KCNAB1: variants seen among roughly 807,000 people sequenced by gnomAD.
The protein encoded by KCNAB1 is potassium voltage-gated channel subfamily A regulatory beta subunit 1.
A neutral mutation model predicts 64.6 loss-of-function variants in KCNAB1; 35 were observed. The observed-to-expected ratio is 0.54, with a 90% CI of 0.41 to 0.72. The LOEUF is 0.72. Ranked by LOEUF, KCNAB1 falls within the 30% of genes least tolerant of loss-of-function variation. KCNAB1 has a pLI of 0.00. For missense variants in KCNAB1, 401 were observed against 512.9 expected (o/e 0.78, Z 2.11); for synonymous variants, 177 against 183.8 (o/e 0.96, Z 0.30).
chr3:156,319,260 A>G lies in KCNAB1; in HGVS notation c.276-102356A>G, dbSNP rs942907149. Reference sequence around the variant, plus strand: ...TAGTCCAGGTTATGCTGCAGGTGCAAATAGCCCCAAGATCTCAGCAGCTTT... The same window carrying G: ...TAGTCCAGGTTATGCTGCAGGTGCAGATAGCCCCAAGATCTCAGCAGCTTT... On this transcript the variant is annotated intron_variant, in intron 1 of 13. Coordinates refer to ENST00000490337, the MANE Select transcript of KCNAB1 (RefSeq NM_172160.3). 4.6e-5 allele frequency among the ~76,000 whole-genome samples: 7 copies of G among 152,252 alleles called. No homozygotes were observed. In the South Asian group the frequency reaches 1.5e-3, roughly 32 times the overall value.
At chr3:156,175,672 G>C (rs556223313) in intron 1 of KCNAB1, among the ~76,000 whole-genome samples, 3 of 152,298 alleles carry the variant, frequency 2.0e-5, no homozygotes, top group African/African-American at 7.2e-5. Flanking sequence ...TAGAGGCCAC[G>C]GGGAGCTTGC....
intron 8 of KCNAB1, among the ~76,000 whole-genome samples, chr3:156,505,166 T>C (rs1716751727): frequency 6.6e-6 from 1 of 152,162 alleles, no homozygotes; most frequent in South Asian, 2.1e-4. Flanking sequence ...TGAAGAGAAT[T>C]CCCTTTCCCC....
At chr3:156,206,734 A>T (rs1714689628) in intron 1 of KCNAB1, among the ~76,000 whole-genome samples, 1 of 152,240 alleles carries the variant, frequency 6.6e-6, no homozygotes, top group Admixed American at 6.5e-5. Context: ...GTTTATGAAA[A>T]GATGGGAAGG....
At chr3:156,449,979 T>C (rs1272971779) in intron 2 of KCNAB1, among the ~76,000 whole-genome samples, 1 of 152,150 alleles carries the variant, frequency 6.6e-6, no homozygotes, top group Non-Finnish European at 1.5e-5. Context: ...GTTAAAAAAA[T>C]CTCTTCTGCA....
chr3:156,254,790 G>A (rs1434975475), intron 1 of KCNAB1, among the ~76,000 whole-genome samples: 1 of 152,154 alleles, frequency 6.6e-6, no homozygotes, highest in Non-Finnish European at 1.5e-5. Context: ...TGGTTGGTCC[G>A]ATTTCATACA....
intron 1 of KCNAB1, chr3:156,290,854 A>G (rs1166820675): frequency 9.2e-6 from 5 of 545,550 alleles, no homozygotes; most frequent in Non-Finnish European, 1.2e-5. Context: ...AAAAGTCTGC[A>G]CTGTGGCATC....
At chr3:156,283,239 G>A (rs1719858278) in intron 1 of KCNAB1, among the ~76,000 whole-genome samples, 1 of 149,994 alleles carries the variant, frequency 6.7e-6, no homozygotes, top group Non-Finnish European at 1.5e-5. Flanking sequence ...TAGTTTGGCT[G>A]GATATGAAAT....
At chr3:156,308,795 T>A (rs1171118318) in intron 1 of KCNAB1, among the ~76,000 whole-genome samples, 1 of 152,222 alleles carries the variant, frequency 6.6e-6, no homozygotes, top group Admixed American at 6.5e-5. Flanking sequence ...CATGTTAATG[T>A]TAGAAAGCAT....
intron 1 of KCNAB1, among the ~76,000 whole-genome samples, chr3:156,206,431 C>T (rs1714666525): frequency 6.6e-6 from 1 of 152,126 alleles, no homozygotes; most frequent in African/African-American, 2.4e-5. Flanking sequence ...TATGACCATC[C>T]CCCTGCAACA....
rs369053237 is a variant in KCNAB1 at position 156,390,846 on chromosome 3, A to G, written c.276-30770A>G. Among the ~76,000 whole-genome samples the G allele has an allele frequency of 3.2e-3, 490 of 152,116 alleles. 1 individual carries two copies. Among genetic ancestry groups the G allele is most frequent in the African/African-American group, 0.01 (432 of 41,496 alleles). On this transcript the variant is annotated intron_variant, in intron 1 of 13. Coordinates refer to ENST00000490337, the MANE Select transcript of KCNAB1 (RefSeq NM_172160.3). ...ATGATCCACCTGCCTCGGCCTCCCA[A>G]AGTGCTGGGATTACAAGTGTGAGCC...
At chr3:156,148,257 G>A (rs572013363) in intron 1 of KCNAB1, among the ~76,000 whole-genome samples, 7 of 152,096 alleles carry the variant, frequency 4.6e-5, no homozygotes, top group Non-Finnish European at 8.8e-5. Context: ...TCTCTATATA[G>A]GATATAGATT....
chr3:156,156,747 CTA>C (rs1434007139), intron 1 of KCNAB1, among the ~76,000 whole-genome samples: 1 of 152,024 alleles, frequency 6.6e-6, no homozygotes, highest in Non-Finnish European at 1.5e-5. Context: ...GTCTAAATGC[CTA>C]TTAGAGAACA....
chr3:156,118,242 A>G (rs753808181), upstream of KCNAB1: 9 of 437,876 alleles, frequency 2.1e-5, no homozygotes, highest in Non-Finnish European at 3.6e-5. Context: ...GACCACAGTC[A>G]TCTAAGGATA....
At chr3:156,156,983 G>A (rs1715764154) in intron 1 of KCNAB1, among the ~76,000 whole-genome samples, 1 of 152,238 alleles carries the variant, frequency 6.6e-6, no homozygotes, top group East Asian at 1.9e-4. Context: ...AGAGGAACCA[G>A]CAATGGAAAC....
intron 1 of KCNAB1, among the ~76,000 whole-genome samples, chr3:156,159,689 C>A (rs1397298412): frequency 6.6e-6 from 1 of 152,170 alleles, no homozygotes; most frequent in African/African-American, 2.4e-5. Flanking sequence ...CATACCCCAT[C>A]CCACTAACTA....
chr3:156,328,142 C>G lies in KCNAB1; in HGVS notation c.276-93474C>G, dbSNP rs140035409. ...ACAAAGAAACAAAGACACAAAAATG[C>G]TTGGCCTATCAGGGAGCTGCATGTC... is the stretch of plus-strand genomic sequence containing the variant. On this transcript the variant is annotated intron_variant, in intron 1 of 13. Transcript: ENST00000490337. Among the ~76,000 whole-genome samples, 1,442 of 152,240 alleles carry G rather than the reference C, an allele frequency of 9.5e-3. 17 individuals are homozygous for G. The highest frequency in any genetic ancestry group is 0.015 in the Non-Finnish European group (1,001 of 67,998).
At chr3:156,129,135 T>C (rs1312695561) in intron 1 of KCNAB1, among the ~76,000 whole-genome samples, 1 of 152,210 alleles carries the variant, frequency 6.6e-6, no homozygotes, top group Non-Finnish European at 1.5e-5. Context: ...TTCTGCCTAT[T>C]CATTTTTTGT....
chr3:156,507,607 G>A (rs1480053837), intron 8 of KCNAB1, among the ~76,000 whole-genome samples: 1 of 152,180 alleles, frequency 6.6e-6, no homozygotes, highest in East Asian at 1.9e-4. Flanking sequence ...ATTCCTCTAA[G>A]CTTCAAAGCA....
intron 1 of KCNAB1, among the ~76,000 whole-genome samples, chr3:156,271,598 G>A (rs781043366): frequency 3.9e-5 from 6 of 152,092 alleles, no homozygotes; most frequent in Non-Finnish European, 5.9e-5. Flanking sequence ...CCTTCTCTGT[G>A]TTAGCTTGAG....
Sources: allele counts gnomAD v4.1 joint callset (sites outside exome capture counted in the v4.1 genomes callset), GRCh38; gene constraint gnomAD v4.1.1; transcripts MANE v1.5; gene names NCBI Gene and HGNC (gene_info 2026-07-23, HGNC 2026-07-21).